CNTNAP2: variants seen among roughly 807,000 people sequenced by gnomAD.
CNTNAP2 encodes the protein contactin-associated protein-like 2.
In CNTNAP2, 98 loss-of-function variants were observed where a neutral mutation model predicts 155.2. The observed-to-expected ratio is 0.63, with a 90% confidence interval of 0.54 to 0.75. The LOEUF is 0.75. Ranked by LOEUF, CNTNAP2 falls within the 30% of genes least tolerant of loss-of-function variation. The pLI, the probability that CNTNAP2 is intolerant of heterozygous loss-of-function variation, is 0.00. For missense variants in CNTNAP2, 1,727 were observed against 1,688.1 expected, an observed-to-expected ratio of 1.02 and a Z score of -0.40; for synonymous variants, 651 against 631.2, an observed-to-expected ratio of 1.03 and a Z score of -0.47.
At chr7:147,075,900 C>T (rs10225666) in intron 4 of CNTNAP2, among the ~76,000 whole-genome samples, 19,388 of 152,012 alleles carry the variant, frequency 0.13, 1,525 homozygotes, top group East Asian at 0.39. Flanking sequence ...TCTGTACCTG[C>T]GATAGTTTGC....
At chr7:148,405,665 G>A (rs1223182690) in intron 22 of CNTNAP2, among the ~76,000 whole-genome samples, 9 of 133,558 alleles carry the variant, frequency 6.7e-5, no homozygotes, top group Middle Eastern at 4.4e-3. Context: ...CACCAGGCTG[G>A]AGTGCAGTGG....
At chr7:148,071,494 T>C (rs965698062) in intron 15 of CNTNAP2, among the ~76,000 whole-genome samples, 6 of 151,466 alleles carry the variant, frequency 4.0e-5, no homozygotes, top group Non-Finnish European at 8.8e-5. Flanking sequence ...CACACACACA[T>C]ACACACACAA....
At chr7:148,380,061 G>C (rs1730407) in intron 21 of CNTNAP2, among the ~76,000 whole-genome samples, 108,866 of 152,128 alleles carry the variant, frequency 0.72, 40,106 homozygotes, top group Admixed American at 0.81. Flanking sequence ...AATCCATATC[G>C]TTATGAATAT....
chr7:146,258,835 T>C (rs1234175341), intron 1 of CNTNAP2, among the ~76,000 whole-genome samples: 1 of 152,234 alleles, frequency 6.6e-6, no homozygotes, highest in Non-Finnish European at 1.5e-5. Flanking sequence ...TAAAATATGC[T>C]ACTATTATCA....
intron 21 of CNTNAP2, among the ~76,000 whole-genome samples, chr7:148,330,173 A>T (rs1246280064): frequency 6.6e-6 from 1 of 151,434 alleles, no homozygotes; most frequent in Non-Finnish European, 1.5e-5. Context: ...GAGTGGACGG[A>T]TGGAGTGGAC....
intron 15 of CNTNAP2, among the ~76,000 whole-genome samples, chr7:148,023,885 A>G (rs1025171497): frequency 1.3e-5 from 2 of 152,190 alleles, no homozygotes; most frequent in Admixed American, 6.5e-5. Flanking sequence ...CCTCCCAAAT[A>G]CAAAACTCTC....
chr7:147,637,603 T>A (rs1005687441), intron 12 of CNTNAP2, among the ~76,000 whole-genome samples: 6 of 152,184 alleles, frequency 3.9e-5, no homozygotes, highest in Non-Finnish European at 8.8e-5. Flanking sequence ...AAAACTATAT[T>A]GGTCTATAGA....
intron 1 of CNTNAP2, among the ~76,000 whole-genome samples, chr7:146,646,497 A>G (rs1374111720): frequency 6.6e-6 from 1 of 152,206 alleles, no homozygotes; most frequent in Non-Finnish European, 1.5e-5. Flanking sequence ...ATTACATAAC[A>G]TAAATATACA....
intron 1 of CNTNAP2, among the ~76,000 whole-genome samples, chr7:146,289,129 C>A (rs1800387987): frequency 6.6e-6 from 1 of 152,068 alleles, no homozygotes; most frequent in South Asian, 2.1e-4. Context: ...ATGCCATATG[C>A]CTGACCACTC....
chr7:146,658,964 C>T (rs1800039278), intron 1 of CNTNAP2, among the ~76,000 whole-genome samples: 1 of 152,198 alleles, frequency 6.6e-6, no homozygotes, highest in Non-Finnish European at 1.5e-5. Flanking sequence ...AGCCTCTGAG[C>T]TGCAGCCACC....
chr7:148,004,114 A>C (rs1801937189), intron 15 of CNTNAP2, among the ~76,000 whole-genome samples: 1 of 152,202 alleles, frequency 6.6e-6, no homozygotes, highest in African/African-American at 2.4e-5. Flanking sequence ...CTAATAAATC[A>C]ATTTTTCTTA....
intron 1 of CNTNAP2, among the ~76,000 whole-genome samples, chr7:146,558,599 TG>T (rs1041899064): frequency 6.6e-6 from 1 of 152,032 alleles, no homozygotes; most frequent in Non-Finnish European, 1.5e-5. Flanking sequence ...ATGATTTTTT[TG>T]GGGGGGAAAT....
chr7:146,240,587 A>G (rs987022884), intron 1 of CNTNAP2, among the ~76,000 whole-genome samples: 1 of 151,688 alleles, frequency 6.6e-6, no homozygotes, highest in African/African-American at 2.4e-5. Flanking sequence ...TGCATATAAT[A>G]TATAATTATA....
chr7:148,104,187 C>T (rs186761976), intron 15 of CNTNAP2, among the ~76,000 whole-genome samples: 12 of 152,270 alleles, frequency 7.9e-5, no homozygotes, highest in Middle Eastern at 6.8e-3. Context: ...GACTCTGTTA[C>T]TGTTTTCAGC....
chr7:147,352,210 T>C (rs1655877051), intron 9 of CNTNAP2, among the ~76,000 whole-genome samples: 1 of 151,894 alleles, frequency 6.6e-6, no homozygotes, highest in African/African-American at 2.4e-5. Context: ...TAGTTTTATG[T>C]AAAAGCAATT....
chr7:146,617,112 C>T (rs1348072441), intron 1 of CNTNAP2, among the ~76,000 whole-genome samples: 1 of 152,158 alleles, frequency 6.6e-6, no homozygotes, highest in Non-Finnish European at 1.5e-5. Flanking sequence ...TTCTGCCTCC[C>T]GGGTTCACGC....
At chr7:146,603,579 G>C (rs1376498875) in intron 1 of CNTNAP2, among the ~76,000 whole-genome samples, 4 of 150,262 alleles carry the variant, frequency 2.7e-5, no homozygotes, top group South Asian at 2.1e-4. Context: ...CTACTTTAAA[G>C]TTCATATGGA....
At chr7:147,152,259 T>G (rs1644210100) in intron 8 of CNTNAP2, among the ~76,000 whole-genome samples, 2 of 151,942 alleles carry the variant, frequency 1.3e-5, no homozygotes, top group Admixed American at 1.3e-4. Flanking sequence ...CTCTGCCTTC[T>G]GCTTGCTTAA....
chr7:147,810,137 T>C (rs1002545861), intron 13 of CNTNAP2, among the ~76,000 whole-genome samples: 3 of 152,080 alleles, frequency 2.0e-5, no homozygotes, highest in Admixed American at 6.6e-5. Context: ...AACCTAATTA[T>C]TTAATTCTTC....
Sources: allele counts gnomAD v4.1 joint callset (sites outside exome capture counted in the v4.1 genomes callset), GRCh38; gene constraint gnomAD v4.1.1; transcripts MANE v1.5; gene names NCBI Gene and HGNC (gene_info 2026-07-23, HGNC 2026-07-21).